The following NELL1 variants were observed in gnomAD, a reference collection of about 807,000 sequenced individuals.
The protein encoded by NELL1 is neural EGFL like 1, also known as protein kinase C-binding protein NELL1.
NELL1 carries 76 observed loss-of-function variants against 107.4 expected under a neutral mutation model. The observed-to-expected ratio is 0.71, with a 90% CI of 0.59 to 0.86. The LOEUF (loss-of-function observed/expected upper bound fraction) is 0.86. NELL1 is among the 40% of genes least tolerant of loss of function. NELL1 has a pLI of 0.00. For missense variants in NELL1, 1,024 were observed against 1,005.5 expected (o/e 1.02, Z -0.25); for synonymous variants, 353 against 341.2 (o/e 1.03, Z -0.38).
chr11:21,277,235 G>A (rs1203132300), intron 14 of NELL1, among the ~76,000 whole-genome samples: 19 of 152,240 alleles, frequency 1.2e-4, no homozygotes, highest in African/African-American at 3.9e-4. Flanking sequence ...AAAAGTGGGT[G>A]AAGGATATGA....
At chr11:20,805,787 C>G (rs370651488) in intron 3 of NELL1, among the ~76,000 whole-genome samples, 1 of 152,232 alleles carries the variant, frequency 6.6e-6, no homozygotes, top group African/African-American at 2.4e-5. Context: ...CAGGCGTGAG[C>G]CACCGTGCCT....
intron 1 of NELL1, among the ~76,000 whole-genome samples, chr11:20,677,251 C>T (rs1001388242): frequency 6.6e-6 from 1 of 152,158 alleles, no homozygotes; most frequent in Non-Finnish European, 1.5e-5. Context: ...CACTTTTTTC[C>T]TCCTTAACAC....
At chr11:20,905,334 C>T (rs1306326687) in intron 5 of NELL1, among the ~76,000 whole-genome samples, 1 of 152,124 alleles carries the variant, frequency 6.6e-6, no homozygotes, top group Non-Finnish European at 1.5e-5. Context: ...AGTGTTAATA[C>T]ATTATAACAT....
At chr11:20,801,572 T>G (rs1469157140) in intron 3 of NELL1, among the ~76,000 whole-genome samples, 1 of 152,222 alleles carries the variant, frequency 6.6e-6, no homozygotes, top group Non-Finnish European at 1.5e-5. Context: ...AAAGAGGTTT[T>G]TTAACTTTAT....
At chr11:21,314,513 A>C (rs1429299860) in intron 14 of NELL1, among the ~76,000 whole-genome samples, 1 of 152,180 alleles carries the variant, frequency 6.6e-6, no homozygotes, top group Admixed American at 6.6e-5. Flanking sequence ...AAGGCTTAAT[A>C]AATGTTAGCT....
At chr11:21,216,111 T>C (rs1590741537) in intron 13 of NELL1, among the ~76,000 whole-genome samples, 2 of 152,090 alleles carry the variant, frequency 1.3e-5, no homozygotes, top group Admixed American at 1.3e-4. Flanking sequence ...GAGGCCAGGG[T>C]ACAGCTTTTC....
intron 15 of NELL1, among the ~76,000 whole-genome samples, chr11:21,413,184 G>A (rs571669092): frequency 1.4e-4 from 22 of 152,128 alleles, no homozygotes; most frequent in African/African-American, 4.6e-4. Flanking sequence ...TCAGTATCAC[G>A]ATGTGACAGA....
intron 14 of NELL1, among the ~76,000 whole-genome samples, chr11:21,364,239 T>A (rs1851157267): frequency 6.6e-6 from 1 of 151,558 alleles, no homozygotes; most frequent in Non-Finnish European, 1.5e-5. Flanking sequence ...TGAAACCCCA[T>A]CTCTACTAAA....
intron 2 of NELL1, among the ~76,000 whole-genome samples, chr11:20,709,977 C>T (rs546738065): frequency 2.6e-5 from 4 of 152,200 alleles, no homozygotes; most frequent in East Asian, 1.9e-4. Context: ...CCTAGATATA[C>T]GATCATATCT....
rs942751032 is a variant in NELL1 at position 21,156,964 on chromosome 11, T to A, written c.1426+43250T>A. On this transcript the variant is annotated intron_variant, in intron 13 of 19. Transcript: ENST00000357134. ...AAAAAAAAAAAAAATTAGCCAGATG[T>A]GGTGGCAGGCACCTGTAATCTCAGC... Among the ~76,000 whole-genome samples the A allele has an allele frequency of 4.0e-5, 6 of 149,272 alleles. No homozygotes were observed. In the East Asian group the frequency reaches 1.2e-3, roughly 29 times the overall value.
At chr11:20,950,900 C>A (rs560181635) in intron 11 of NELL1, among the ~76,000 whole-genome samples, 11 of 152,208 alleles carry the variant, frequency 7.2e-5, no homozygotes, top group African/African-American at 2.7e-4. Context: ...TCAACACCTG[C>A]ACCGAAGGCC....
intron 13 of NELL1, among the ~76,000 whole-genome samples, chr11:21,228,770 C>G (rs1378649004): frequency 8.5e-6 from 1 of 117,402 alleles, no homozygotes; most frequent in Non-Finnish European, 1.8e-5. Flanking sequence ...TTCCTCTCCT[C>G]TTTTTTGTAA....
At chr11:21,222,844 A>G (rs544948774) in intron 13 of NELL1, among the ~76,000 whole-genome samples, 7 of 138,466 alleles carry the variant, frequency 5.1e-5, no homozygotes, top group African/African-American at 1.8e-4. Context: ...CCATGTTTTT[A>G]TATAATTTTC....
intron 1 of NELL1, among the ~76,000 whole-genome samples, chr11:20,673,541 C>T (rs913593112): frequency 6.6e-6 from 1 of 152,182 alleles, no homozygotes; most frequent in African/African-American, 2.4e-5. Context: ...ACTGAGTGGG[C>T]TGTGGGCCCG....
At chr11:20,943,416 C>T (rs1458524875) in intron 10 of NELL1, among the ~76,000 whole-genome samples, 1 of 151,898 alleles carries the variant, frequency 6.6e-6, no homozygotes, top group Non-Finnish European at 1.5e-5. Context: ...AACCCTGTCT[C>T]TACTAAAATA....
intron 14 of NELL1, among the ~76,000 whole-genome samples, chr11:21,340,620 TACACAC>T (rs71034506): frequency 0.053 from 7,454 of 141,478 alleles, 221 homozygotes; most frequent in Admixed American, 0.094. Context: ...TATGACGGGT[TACACAC>T]ACACACACAC....
intron 15 of NELL1, among the ~76,000 whole-genome samples, chr11:21,458,876 A>T (rs1278329656): frequency 6.6e-6 from 1 of 152,146 alleles, no homozygotes; most frequent in Admixed American, 6.6e-5. Flanking sequence ...AATGAACAGC[A>T]AATCCTTCAT....
At chr11:21,558,732 C>A (rs1011858114) in intron 16 of NELL1, among the ~76,000 whole-genome samples, 2 of 151,890 alleles carry the variant, frequency 1.3e-5, no homozygotes, top group Non-Finnish European at 2.9e-5. Context: ...ATAACTGTTA[C>A]GTGTAAAATG....
chr11:21,534,409 C>T lies in NELL1; in HGVS notation c.1681C>T (p.His561Tyr). The T allele has an allele frequency of 1.2e-6, 2 of 1,613,834 alleles. No individual in the cohort carries two copies. The highest frequency in any genetic ancestry group is 1.7e-6 in the Non-Finnish European group (2 of 1,179,858). ...ATGTTCAGAGGGAATCATTGAGTGC[C>T]ACAACCATTCCCGCTGCGTTAACCT... ...DECSEGIIEC[H>Y]NHSRCVNLPG... is the part of the protein sequence containing the mutation. Residue 561 changes from histidine to tyrosine, a missense_variant, in exon 16 of 20, where the codon CAC becomes TAC. Physicochemically the swap from His to Tyr is moderately conservative, Grantham distance 83 (BLOSUM62 2). Coordinates refer to ENST00000357134, the MANE Select transcript of NELL1 (RefSeq NM_006157.5).
Sources: allele counts gnomAD v4.1 joint callset (sites outside exome capture counted in the v4.1 genomes callset), GRCh38; gene constraint gnomAD v4.1.1; transcripts MANE v1.5; gene names NCBI Gene and HGNC (gene_info 2026-07-23, HGNC 2026-07-21).